CASZ1: variants seen among roughly 807,000 people sequenced by gnomAD.
CASZ1 encodes the protein castor zinc finger 1, also known as zinc finger protein castor homolog 1.
CASZ1 carries 28 observed loss-of-function variants against 135.2 expected under a neutral mutation model. The ratio of observed to expected loss-of-function variants is 0.21; its 90% CI spans 0.15 to 0.28. CASZ1 has a LOEUF of 0.28. Ranked by LOEUF, CASZ1 falls within the 10% of genes least tolerant of loss-of-function variation. The probability of loss-of-function intolerance (pLI) is 1.00; values close to 1 mark genes in which losing one functional copy is unlikely to be tolerated. For missense variants in CASZ1, 2,161 were observed against 2,453.3 expected, an observed-to-expected ratio of 0.88 and a Z score of 2.52; for synonymous variants, 1,068 against 1,073.4, an observed-to-expected ratio of 0.99 and a Z score of 0.10.
chr1:10,696,600 G>A (rs1638939744), intron 3 of CASZ1, among the ~76,000 whole-genome samples: 1 of 152,244 alleles, frequency 6.6e-6, no homozygotes, highest in Non-Finnish European at 1.5e-5. Flanking sequence ...AGCTCTGGCT[G>A]GTGACAGCAG....
rs185768495 is a variant in CASZ1 at position 10,702,819 on chromosome 1, G to C, written c.-24+2673C>G. ...GTTGACTGCAAACTGTCCATTATGG[G>C]TTAGATTATAAGCATATTGCACAGG... On this transcript the variant is annotated intron_variant, in intron 3 of 20. Transcript: ENST00000377022. Among the ~76,000 whole-genome samples, 193 of 152,306 alleles carry C rather than the reference G, an allele frequency of 1.3e-3. 1 individual carries two copies. The highest frequency in any genetic ancestry group is 4.5e-3 in the African/African-American group (186 of 41,554).
At chr1:10,750,552 G>C (rs1357828307) in intron 2 of CASZ1, among the ~76,000 whole-genome samples, 1 of 152,054 alleles carries the variant, frequency 6.6e-6, no homozygotes, top group Non-Finnish European at 1.5e-5. Flanking sequence ...ACAGGCGTGA[G>C]CCACTGTGCC....
Position 10,777,787 on chromosome 1 carries a change from TCACA to T in CASZ1, c.-233-16934_-233-16931del, listed in dbSNP as rs1302760379. On this transcript the variant is annotated intron_variant, in intron 1 of 20. Transcript: ENST00000377022. The surrounding 1 kb of genome is among the most constrained non-coding windows in gnomAD (Gnocchi z 4.4). Reference sequence around the variant, plus strand: ...ACCCACTCACATAATCCACATAAAATCACACACAATCTTATATACAGCCACTGAC... The same window carrying T: ...ACCCACTCACATAATCCACATAAAATCACAATCTTATATACAGCCACTGAC... Among the ~76,000 whole-genome samples the T allele has an allele frequency of 6.7e-6, 1 of 150,134 alleles. No individual in the cohort carries two copies. Among genetic ancestry groups the T allele is most frequent in the Non-Finnish European group, 1.5e-5 (1 of 67,602 alleles).
At position 10,659,994 on chromosome 1, in the gene CASZ1, A is replaced by G. The variant is rs745316400; in HGVS notation, c.1048T>C (p.Phe350Leu). The change falls in exon 6 of 21, where the codon TTC (phenylalanine) becomes CTC (leucine). Residue 350 changes from phenylalanine (F) to leucine (L), a missense_variant. Phe to Leu is a conservative substitution (Grantham distance 22, BLOSUM62 0). Transcript: ENST00000377022. ...DLENVKYLHL[F>L]KPGEGSPDMG... Reference sequence around the variant, plus strand: ...TCGGGGCTGCCCTCCCCGGGTTTGAAGAGGTGCAGGTACTTGACATTCTCC... The same window carrying G: ...TCGGGGCTGCCCTCCCCGGGTTTGAGGAGGTGCAGGTACTTGACATTCTCC... 2 of 1,613,894 alleles carry G rather than the reference A, an allele frequency of 1.2e-6. No individual in the cohort carries two copies. Among genetic ancestry groups the G allele is most frequent in the Non-Finnish European group, 8.5e-7 (1 of 1,179,988 alleles).
intron 3 of CASZ1, among the ~76,000 whole-genome samples, chr1:10,696,090 C>T (rs1638928300): frequency 6.6e-6 from 1 of 152,210 alleles, no homozygotes; most frequent in African/African-American, 2.4e-5. Context: ...AAGGGAGGGG[C>T]CAGGGAGGCC....
chr1:10,711,110 G>A lies in CASZ1; in HGVS notation c.-76-5566C>T, dbSNP rs143776605. Among the ~76,000 whole-genome samples, 2,849 of 152,316 alleles carry A rather than the reference G, an allele frequency of 0.019. 39 individuals are homozygous for A. Among genetic ancestry groups the A allele is most frequent in the Non-Finnish European group, 0.027 (1,849 of 68,028 alleles). ...CATGCAACTACACTCCAGCCTGGGCGACAGAGCGAGACTCCGTCTTGGGGG... is the reference window on the plus strand; with the variant it reads ...CATGCAACTACACTCCAGCCTGGGCAACAGAGCGAGACTCCGTCTTGGGGG... On this transcript the variant is annotated intron_variant, in intron 2 of 20. Transcript: ENST00000377022. The surrounding 1 kb of genome is among the most constrained non-coding windows in gnomAD (Gnocchi z 4.4).
At chr1:10,705,108 C>T (rs1475224286) in intron 3 of CASZ1, among the ~76,000 whole-genome samples, 2 of 152,200 alleles carry the variant, frequency 1.3e-5, no homozygotes, top group East Asian at 1.9e-4. Context: ...TTGGGCAGCA[C>T]GTCCAGGCAC....
intron 3 of CASZ1, among the ~76,000 whole-genome samples, chr1:10,696,093 G>T (rs1638928422): frequency 6.6e-6 from 1 of 152,248 alleles, no homozygotes; most frequent in South Asian, 2.1e-4. Context: ...GGAGGGGCCA[G>T]GGAGGCCTTG....
In CASZ1 at chr1:10,672,277, G is replaced by A. The variant is rs1418909208; in HGVS notation, c.17-6706C>T. 9.7e-5 allele frequency among the ~76,000 whole-genome samples: 11 copies of A among 113,422 alleles called. 1 individual carries two copies. The South Asian group carries it at 3.5e-3, about 36-fold the overall frequency. The allele number at this position is 113,422 out of a possible 152,430, so 74.4% of individuals were successfully genotyped here. On this transcript the variant is annotated intron_variant, in intron 4 of 20. Transcript: ENST00000377022. ...TATGCCATAACTCAGCCGCCCGGCC[G>A]CCCAGCCTCCAACATGCCCCGCGCC...
chr1:10,722,221 G>T (rs1209646471), intron 2 of CASZ1, among the ~76,000 whole-genome samples: 1 of 152,212 alleles, frequency 6.6e-6, no homozygotes, highest in Non-Finnish European at 1.5e-5. Flanking sequence ...TTACCCCATG[G>T]CTTTAGGGAG....
chr1:10,715,660 A>ACCCAATCCGCT (rs1639368734), intron 2 of CASZ1, among the ~76,000 whole-genome samples: 1 of 103,364 alleles, frequency 9.7e-6, no homozygotes, highest in Non-Finnish European at 1.9e-5. Flanking sequence ...CCCAATCCGC[A>ACCCAATCCGCT]CCCCACAGCA....
chr1:10,664,109 G>C (rs867349356), intron 5 of CASZ1, among the ~76,000 whole-genome samples: 19 of 152,342 alleles, frequency 1.2e-4, no homozygotes, highest in South Asian at 4.1e-4. Flanking sequence ...CTGATGTGGC[G>C]AAGGATAATT....
rs1640895845 is a variant in CASZ1 at position 10,788,387 on chromosome 1, C to T, written c.-234+8177G>A. 6.6e-6 allele frequency among the ~76,000 whole-genome samples: 1 copy of T among 152,150 alleles called. No homozygotes were observed. The highest frequency in any genetic ancestry group is 2.1e-4 in the South Asian group (1 of 4,832). The stretch of plus-strand genomic sequence containing the variant: ...GATCTTGCCTCCTCCCTCCTGCCCC[C>T]CTGCCTCATCCTGGAGAATTGGAAA... On this transcript the variant is annotated intron_variant, in intron 1 of 20. Coordinates refer to ENST00000377022, the MANE Select transcript of CASZ1 (RefSeq NM_001079843.3). This position sits in a 1 kb window ranked among gnomAD's most constrained non-coding sequence, Gnocchi z 4.1.
chr1:10,639,172 G>A lies in CASZ1; in HGVS notation c.5050C>T (p.Leu1684=), dbSNP rs761401257. ...SQEDEEEELE[L]PEEEAEDDED... ...TCGTCTTCGGCCTCCTCCTCCGGCA[G>A]CTCCAGCTCCTCCTCCTCGTCCTCC... Residue 1684 remains leucine (L), a synonymous_variant, in exon 21 of 21, where the codon CTG becomes TTG. Transcript: ENST00000377022. This position sits in a 1 kb window ranked among gnomAD's most constrained non-coding sequence, Gnocchi z 4.0. The A allele has an allele frequency of 1.5e-5, 16 of 1,032,748 alleles. No individual in the cohort carries two copies. The African/African-American group carries it at 2.6e-4, about 17-fold the overall frequency. The allele number at this position is 1,032,748 out of a possible 1,614,324, so 64.0% of individuals were successfully genotyped here. A position where few individuals can be genotyped will look rare whatever the true frequency, so the allele number is the denominator to read the frequency against.
In CASZ1 at chr1:10,717,902, T is replaced by C. The variant is rs2100476941; in HGVS notation, c.-76-12358A>G. On this transcript the variant is annotated intron_variant, in intron 2 of 20. Transcript: ENST00000377022. This position sits in a 1 kb window ranked among gnomAD's most constrained non-coding sequence, Gnocchi z 4.6. The stretch of plus-strand genomic sequence containing the variant: ...AGAGTCCGGGCAGGCTGGTGGGCCT[T>C]TAAGGCTGTGCAGCCGCTGCGAGCA... Among the ~76,000 whole-genome samples, 1 of 152,350 alleles carries C rather than the reference T, an allele frequency of 6.6e-6. No homozygotes were observed. Among genetic ancestry groups the C allele is most frequent in the East Asian group, 1.9e-4 (1 of 5,188 alleles).
chr1:10,743,870 G>C (rs1639984214), intron 2 of CASZ1, among the ~76,000 whole-genome samples: 1 of 148,144 alleles, frequency 6.8e-6, no homozygotes, highest in Admixed American at 6.8e-5. Flanking sequence ...GGGAGGGAGA[G>C]AGAGAGAGGA....
chr1:10,694,495 G>A lies in CASZ1; in HGVS notation c.-23-583C>T, dbSNP rs1293660105. On this transcript the variant is annotated intron_variant, in intron 3 of 20. Coordinates refer to ENST00000377022, the MANE Select transcript of CASZ1 (RefSeq NM_001079843.3). This position sits in a 1 kb window ranked among gnomAD's most constrained non-coding sequence, Gnocchi z 6.6. ...GCGGGCGCGGCCGGGGGCGCTGCCA[G>A]GCGCCGCGGTGATTGGCAGGGCGGC... The A allele has an allele frequency of 6.3e-6, 1 of 158,366 alleles. No homozygotes were observed. Among genetic ancestry groups the A allele is most frequent in the Non-Finnish European group, 1.3e-5 (1 of 77,184 alleles). The allele number at this position is 158,366 out of a possible 1,614,324, so 9.8% of individuals were successfully genotyped here. A position where few individuals can be genotyped will look rare whatever the true frequency, so the allele number is the denominator to read the frequency against.
intron 4 of CASZ1, among the ~76,000 whole-genome samples, chr1:10,685,703 T>A (rs1362120428): frequency 6.6e-6 from 1 of 152,190 alleles, no homozygotes; most frequent in Non-Finnish European, 1.5e-5. Context: ...GGCCTGCAAT[T>A]GCCACGCCTG....
At chr1:10,686,474 C>T (rs1390556803) in intron 4 of CASZ1, among the ~76,000 whole-genome samples, 10 of 152,148 alleles carry the variant, frequency 6.6e-5, no homozygotes, top group African/African-American at 2.4e-4. Context: ...AGCCTGTTGC[C>T]CAGGGGACCA....
Sources: allele counts gnomAD v4.1 joint callset (sites outside exome capture counted in the v4.1 genomes callset), GRCh38; gene constraint gnomAD v4.1.1; non-coding constraint Gnocchi (gnomAD v3.1); transcripts MANE v1.5; gene names NCBI Gene and HGNC (gene_info 2026-07-23, HGNC 2026-07-21).